Variants in PSMB10 observed in about 807,000 individuals in gnomAD.
The protein encoded by PSMB10 is proteasome 20S subunit beta 10, also known as proteasome subunit beta type-10.
Under a neutral mutation model 29.8 loss-of-function variants are expected in PSMB10, and 29 were observed. The ratio of observed to expected loss-of-function variants is 0.97; its 90% CI spans 0.73 to 1.33. PSMB10 has a LOEUF of 1.33. PSMB10 is among the 40% of genes most tolerant of loss of function. PSMB10 has a pLI of 0.00. For missense variants in PSMB10, 327 were observed against 369.2 expected (o/e 0.89, Z 0.94); for synonymous variants, 157 against 164.7 (o/e 0.95, Z 0.36).
chr16:67,936,171 G>A, intron 3 of PSMB10, 44 bp downstream of exon 3: 1 of 1,611,448 alleles, frequency 6.2e-7, no homozygotes. Context: ...GGAACGAGGG[G>A]GCCGTTCTTT....
Position 67,934,510 on chromosome 16 carries a change from A to C in PSMB10, c.*50T>G. On this transcript the variant is annotated 3_prime_UTR_variant, in exon 8 of 8. Coordinates refer to ENST00000358514, the MANE Select transcript of PSMB10 (RefSeq NM_002801.4). The surrounding 1 kb of genome is among the most constrained non-coding windows in gnomAD (Gnocchi z 4.3). ...CAAGAATGACACAGCCATCTGTTTA[A>C]CTGTATTTTCTGGGTTTATTCCCCC... 1 of 1,531,354 alleles carries C rather than the reference A, an allele frequency of 6.5e-7. No homozygotes were observed. Among genetic ancestry groups the C allele is most frequent in the East Asian group, 2.3e-5 (1 of 44,268 alleles). 94.9% of individuals were successfully genotyped at this position (1,531,354 alleles called of 1,614,324 possible). A position where few individuals can be genotyped will look rare whatever the true frequency, so the allele number is the denominator to read the frequency against.
Position 67,936,398 on chromosome 16 carries a change from T to G in PSMB10, c.144A>C (p.Gln48His). 6.2e-7 allele frequency: 1 copy of G among 1,613,208 alleles called. No homozygotes were observed. The highest frequency in any genetic ancestry group is 8.5e-7 in the Non-Finnish European group (1 of 1,179,624). ...TGTTIAGLVF[Q>H]DGVILGADTR... ...CTCCCCGTCCCTCCCCGCTGCTCAC[T>G]TGGAACACCAGGCCCGCGATGGTGG... Residue 48 changes from glutamine (Q) to histidine (H), a missense_variant and splice_region_variant, in exon 2 of 8, where the codon CAA becomes CAC. Coordinates refer to ENST00000358514, the MANE Select transcript of PSMB10 (RefSeq NM_002801.4).
chr16:67,935,365 C>A (rs776735574), intron 6 of PSMB10, 55 bp downstream of exon 6: 2 of 1,605,358 alleles, frequency 1.2e-6, no homozygotes, highest in Non-Finnish European at 1.7e-6. Context: ...GCTCCCCCAG[C>A]TCCCGGGTGC....
Position 67,936,759 on chromosome 16 carries a change from G to A in PSMB10, c.-10C>T, listed in dbSNP as rs1388618646. On this transcript the variant is annotated 5_prime_UTR_variant, in exon 1 of 8. Coordinates refer to ENST00000358514, the MANE Select transcript of PSMB10 (RefSeq NM_002801.4). ...GGGCTGGCTTCAGCATCTTGGGGCA[G>A]GCAGAGGGGATTAGGGGTCGCGGGC... The A allele has an allele frequency of 1.3e-6, 2 of 1,554,804 alleles. No individual in the cohort carries two copies. The highest frequency in any genetic ancestry group is 1.7e-6 in the Non-Finnish European group (2 of 1,148,932).
chr16:67,936,419 G>A lies in PSMB10; in HGVS notation c.123C>T (p.Thr41=), dbSNP rs747019444. Residue 41 remains threonine (T), a synonymous_variant, in exon 2 of 8, where the codon ACC becomes ACT. Coordinates refer to ENST00000358514, the MANE Select transcript of PSMB10 (RefSeq NM_002801.4). ...KVPHARKTGT[T]IAGLVFQDGV... ...TCACTTGGAACACCAGGCCCGCGAT[G>A]GTGGTCCCGGTCTTGCGTGCGTGAG... The A allele has an allele frequency of 1.2e-5, 19 of 1,613,312 alleles. No individual in the cohort carries two copies. Among genetic ancestry groups the A allele is most frequent in the Non-Finnish European group, 1.4e-5 (17 of 1,179,796 alleles).
At chr16:67,935,218 A>C (rs1489260422) in intron 6 of PSMB10, 1 of 733,682 alleles carries the variant, frequency 1.4e-6, no homozygotes, top group African/African-American at 1.8e-5. Context: ...GTGAGCTTCG[A>C]CTTCTCCCAG....
Position 67,934,573 on chromosome 16 carries a change from A to G in PSMB10, c.809T>C (p.Met270Thr), listed in dbSNP as rs764734747. The change falls in exon 8 of 8, where the codon ATG (methionine) becomes ACG (threonine). Residue 270 changes from methionine (M) to threonine (T), a missense_variant. Transcript: ENST00000358514. This position sits in a 1 kb window ranked among gnomAD's most constrained non-coding sequence, Gnocchi z 4.3. The part of the protein sequence containing the change: ...LELVEETVQA[M>T]EVE ...CTAAGCCTCAGCTTACTCCACCTCC[A>G]TAGCCTGCACAGTTTCCTCCACTAG... The G allele has an allele frequency of 1.2e-6, 2 of 1,613,988 alleles. No individual in the cohort carries two copies. Among genetic ancestry groups the G allele is most frequent in the East Asian group, 2.2e-5 (1 of 44,886 alleles).
Position 67,936,784 on chromosome 16 carries a change from C to A in PSMB10, c.-35G>T. 2 of 1,534,474 alleles carry A rather than the reference C, an allele frequency of 1.3e-6. No individual in the cohort carries two copies. The highest frequency in any genetic ancestry group is 1.8e-6 in the Non-Finnish European group (2 of 1,134,776). ...GGCAGAGGGGATTAGGGGTCGCGGG[C>A]GGATGAGTCGGCCAGACAAGCGGGG... On this transcript the variant is annotated 5_prime_UTR_variant, in exon 1 of 8. Coordinates refer to ENST00000358514, the MANE Select transcript of PSMB10 (RefSeq NM_002801.4).
At chr16:67,936,554 G>T in intron 1 of PSMB10, 69 bp from the exon 2 acceptor site, 1 of 1,478,908 alleles carries the variant, frequency 6.8e-7, no homozygotes, top group Non-Finnish European at 9.2e-7. Flanking sequence ...CCCTAACCTG[G>T]TCCCCGTCTC....
At position 67,934,725 on chromosome 16, in the gene PSMB10, C is replaced by T. The variant is rs1488370214; in HGVS notation, c.711-54G>A. 3 of 1,610,634 alleles carry T rather than the reference C, an allele frequency of 1.9e-6. No individual in the cohort carries two copies. The highest frequency in any genetic ancestry group is 2.5e-6 in the Non-Finnish European group (3 of 1,177,106). ...CATGGGCCTGTCATGTGGCCCATCCCCTTTTTGCAGCCCCCTATCTCCCCT... is the reference window on the plus strand; with the variant it reads ...CATGGGCCTGTCATGTGGCCCATCCTCTTTTTGCAGCCCCCTATCTCCCCT... On this transcript the variant is annotated intron_variant, in intron 7 of 7. Coordinates refer to ENST00000358514, the MANE Select transcript of PSMB10 (RefSeq NM_002801.4). This position sits in a 1 kb window ranked among gnomAD's most constrained non-coding sequence, Gnocchi z 4.3.
Position 67,936,730 on chromosome 16 carries a change from T to G in PSMB10, c.20A>C (p.Glu7Ala). Reference protein sequence around the residue: MLKPALEPRGGFSFENC... With the variant: MLKPALAPRGGFSFENC... The stretch of plus-strand genomic sequence containing the variant: ...CTCGAAGGAGAAGCCCCCTCGGGGC[T>G]CCAGGGCTGGCTTCAGCATCTTGGG... Residue 7 changes from glutamate (E) to alanine (A), a missense_variant, in exon 1 of 8, where the codon GAG becomes GCG. By Grantham distance (107) the Glu-to-Ala change is moderately radical. Coordinates refer to ENST00000358514, the MANE Select transcript of PSMB10 (RefSeq NM_002801.4). 6.4e-7 allele frequency: 1 copy of G among 1,556,680 alleles called. No individual in the cohort carries two copies. The highest frequency in any genetic ancestry group is 1.2e-5 in the South Asian group (1 of 84,756).
Position 67,934,627 on chromosome 16 carries a change from G to A in PSMB10, c.755C>T (p.Thr252Ile). ...CAGGGTTAGTGGCTTCACTGTCTGG[G>A]TCAGGACAGCTGTGGTTCCAGGCAC... ...HFVPGTTAVL[T>I]QTVKPLTLEL... Residue 252 changes from threonine to isoleucine, a missense_variant, in exon 8 of 8, where the codon ACC (threonine) becomes ATC (isoleucine). Physicochemically the swap from Thr to Ile is moderately conservative, Grantham distance 89. Coordinates refer to ENST00000358514, the MANE Select transcript of PSMB10 (RefSeq NM_002801.4). This position sits in a 1 kb window ranked among gnomAD's most constrained non-coding sequence, Gnocchi z 4.3. 1.2e-6 allele frequency: 2 copies of A among 1,614,142 alleles called. No individual in the cohort carries two copies.
chr16:67,936,671 C>T (rs894506408), intron 1 of PSMB10, 23 bp downstream of exon 1: 6 of 1,546,786 alleles, frequency 3.9e-6, no homozygotes, highest in Admixed American at 2.0e-5. Context: ...CAGGAGTGAC[C>T]GCCCCCCGCG....
rs1001769119 is a variant in PSMB10, at chr16:67,936,207, A to C, written c.242+8T>G. On this transcript the variant is annotated splice_region_variant and intron_variant, in intron 3 of 7. Transcript: ENST00000358514. ...TTTGCGTACGGGAACTGGGCTCGGG[A>C]GTCTCACTAGATTTTGGGGGCGATG... The C allele has an allele frequency of 5.0e-6, 8 of 1,613,406 alleles. No individual in the cohort carries two copies. The East Asian group carries it at 1.8e-4, about 36-fold the overall frequency.
chr16:67,936,818 C>A lies in PSMB10; in HGVS notation c.-69G>T. 2.2e-6 allele frequency: 3 copies of A among 1,392,160 alleles called. 1 individual carries two copies. The highest frequency in any genetic ancestry group is 2.5e-5 in the South Asian group (2 of 79,610). 86.2% of individuals were successfully genotyped at this position (1,392,160 alleles called of 1,614,324 possible). A position where few individuals can be genotyped will look rare whatever the true frequency, so the allele number is the denominator to read the frequency against. ...CGGCCAGACAAGCGGGGCCAGTGAG[C>A]AGCTAAAAAGTCCTCTGCTAGGCTT... On this transcript the variant is annotated 5_prime_UTR_variant, in exon 1 of 8. Coordinates refer to ENST00000358514, the MANE Select transcript of PSMB10 (RefSeq NM_002801.4).
At chr16:67,936,352 A>T in intron 2 of PSMB10, 40 bp from the exon 3 acceptor site, 4 of 1,610,658 alleles carry the variant, frequency 2.5e-6, no homozygotes, top group Non-Finnish European at 3.4e-6. Flanking sequence ...TGCCTGCTCG[A>T]TACTCTCGGC....
Position 67,934,533 on chromosome 16 carries a change from C to G in PSMB10, c.*27G>C, listed in dbSNP as rs770735684. ...TAACTGTATTTTCTGGGTTTATTCC[C>G]CCTTGTTCCAAGCTCTAAGCCTCAG... On this transcript the variant is annotated 3_prime_UTR_variant, in exon 8 of 8. Transcript: ENST00000358514. The surrounding 1 kb of genome is among the most constrained non-coding windows in gnomAD (Gnocchi z 4.3). 4.4e-6 allele frequency: 7 copies of G among 1,594,650 alleles called. No individual in the cohort carries two copies. In the Admixed American group the frequency reaches 8.3e-5, roughly 19 times the overall value.
At chr16:67,935,023 G>A (rs550606290) in intron 6 of PSMB10, 75 bp from the exon 7 acceptor site, 1 of 1,547,896 alleles carries the variant, frequency 6.5e-7, no homozygotes, top group South Asian at 1.2e-5. Context: ...GGACTTGCCT[G>A]TCCACTTACC....
At chr16:67,936,598 C>A in intron 1 of PSMB10, 96 bp downstream of exon 1, 2 of 1,455,342 alleles carry the variant, frequency 1.4e-6, no homozygotes, top group Non-Finnish European at 9.3e-7. Flanking sequence ...GAACCCAAGT[C>A]GACCAACACA....
Sources: allele counts gnomAD v4.1 joint callset, GRCh38; gene constraint gnomAD v4.1.1; non-coding constraint Gnocchi (gnomAD v3.1); transcripts MANE v1.5; gene names NCBI Gene and HGNC (gene_info 2026-07-23, HGNC 2026-07-21).